THADA: variants seen among roughly 807,000 people sequenced by gnomAD.
The protein encoded by THADA is THADA armadillo repeat containing.
Under a neutral mutation model 219.8 loss-of-function variants are expected in THADA, and 213 were observed. The observed-to-expected ratio is 0.97, with a 90% confidence interval of 0.87 to 1.09. The LOEUF is 1.09. THADA is among the 50% of genes least tolerant of loss of function. The probability of loss-of-function intolerance (pLI) is 0.00; values close to 1 mark genes in which losing one functional copy is unlikely to be tolerated. For missense variants in THADA, 2,956 were observed against 2,311.3 expected (o/e 1.28, Z -5.72); for synonymous variants, 1,018 against 828.9 (o/e 1.23, Z -3.92).
intron 26 of THADA, among the ~76,000 whole-genome samples, chr2:43,433,135 T>C (rs1463159395): frequency 1.3e-5 from 2 of 152,242 alleles, no homozygotes; most frequent in African/African-American, 4.8e-5. Flanking sequence ...AATTTTTGTG[T>C]ATAGTGTGAG....
intron 29 of THADA, among the ~76,000 whole-genome samples, chr2:43,393,958 C>T (rs187120432): frequency 3.9e-5 from 6 of 152,196 alleles, no homozygotes; most frequent in African/African-American, 1.4e-4. Context: ...TTCTGAACTC[C>T]AATATGATTT....
chr2:43,399,255 A>G (rs1674482069), intron 28 of THADA, among the ~76,000 whole-genome samples: 1 of 152,256 alleles, frequency 6.6e-6, no homozygotes, highest in African/African-American at 2.4e-5. Flanking sequence ...AGGGAAGGTC[A>G]GAAGACGGTA....
chr2:43,580,329 A>G (rs746038180), intron 8 of THADA, among the ~76,000 whole-genome samples: 30 of 151,870 alleles, frequency 2.0e-4, no homozygotes, highest in East Asian at 3.9e-4. Flanking sequence ...ATGAGCCACC[A>G]CACCCGGCCG....
chr2:43,318,322 G>C (rs987083476), intron 31 of THADA, among the ~76,000 whole-genome samples: 1 of 151,890 alleles, frequency 6.6e-6, no homozygotes, highest in Non-Finnish European at 1.5e-5. Flanking sequence ...TTATGGGCTT[G>C]AGCCACCACA....
chr2:43,468,970 G>T (rs1684590969), intron 26 of THADA, among the ~76,000 whole-genome samples: 1 of 152,176 alleles, frequency 6.6e-6, no homozygotes, highest in African/African-American at 2.4e-5. Flanking sequence ...ATCTCAAGAT[G>T]CATTTTTAAA....
intron 14 of THADA, among the ~76,000 whole-genome samples, chr2:43,570,130 G>A (rs1315187179): frequency 3.3e-5 from 5 of 151,990 alleles, no homozygotes; most frequent in African/African-American, 7.3e-5. Context: ...AATTCATCTC[G>A]CCCACATAAG....
intron 25 of THADA, among the ~76,000 whole-genome samples, chr2:43,498,115 G>A (rs1333639922): frequency 6.6e-6 from 1 of 152,018 alleles, no homozygotes; most frequent in South Asian, 2.1e-4. Flanking sequence ...TATACTACAT[G>A]AAAGAAGCCA....
intron 34 of THADA, 60 bp from the exon 35 acceptor site, chr2:43,287,121 A>G: frequency 6.6e-7 from 1 of 1,517,014 alleles, no homozygotes; most frequent in Admixed American, 1.9e-5. Flanking sequence ...CTGACACAGA[A>G]TTAGGGGTGA....
intron 36 of THADA, among the ~76,000 whole-genome samples, chr2:43,257,448 C>CA (rs1180973080): frequency 6.6e-6 from 1 of 152,242 alleles, no homozygotes; most frequent in African/African-American, 2.4e-5. Flanking sequence ...GGCCCAATTC[C>CA]AAAAGGCTGG....
intron 8 of THADA, among the ~76,000 whole-genome samples, chr2:43,579,911 G>T (rs79439547): frequency 6.6e-6 from 1 of 151,968 alleles, no homozygotes; most frequent in Non-Finnish European, 1.5e-5. Flanking sequence ...GGGAAAGGAG[G>T]TTTGGTTTTC....
At chr2:43,264,526 C>T (rs927145426) in intron 36 of THADA, among the ~76,000 whole-genome samples, 5 of 152,032 alleles carry the variant, frequency 3.3e-5, no homozygotes, top group African/African-American at 7.3e-5. Context: ...CTCAGGTGAT[C>T]CGCCCACCTC....
chr2:43,325,591 T>C (rs560626754), intron 30 of THADA, among the ~76,000 whole-genome samples: 363 of 146,976 alleles, frequency 2.5e-3, no homozygotes, highest in Non-Finnish European at 4.1e-3. Context: ...AGGAGAGAGA[T>C]GGGGGCAGAA....
chr2:43,383,622 G>C (rs1169368892), intron 29 of THADA, among the ~76,000 whole-genome samples: 8 of 152,134 alleles, frequency 5.3e-5, no homozygotes. Context: ...AGTTTAACTG[G>C]GGATCTTGTG....
chr2:43,233,036 TA>T (rs1667623920), intron 36 of THADA, 154 bp from the exon 37 acceptor site: 3 of 712,282 alleles, frequency 4.2e-6, no homozygotes, highest in Non-Finnish European at 7.0e-6. Flanking sequence ...TGGAGACGAT[TA>T]ATCACCTTCT....
intron 36 of THADA, among the ~76,000 whole-genome samples, chr2:43,235,222 C>T (rs531070353): frequency 7.3e-5 from 11 of 150,838 alleles, no homozygotes; most frequent in Admixed American, 5.3e-4. Flanking sequence ...TCAAGTGATT[C>T]ACCCGCCTCA....
intron 22 of THADA, among the ~76,000 whole-genome samples, chr2:43,511,844 G>T (rs978131993): frequency 2.0e-5 from 3 of 152,170 alleles, no homozygotes; most frequent in Admixed American, 1.3e-4. Flanking sequence ...TCATGGAAGG[G>T]CTGGAATCTG....
At chr2:43,348,435 A>C (rs1386818589) in intron 29 of THADA, among the ~76,000 whole-genome samples, 1 of 152,238 alleles carries the variant, frequency 6.6e-6, no homozygotes, top group Non-Finnish European at 1.5e-5. Flanking sequence ...TAAAATACTT[A>C]CTGAACCCAA....
At chr2:43,514,041 C>T (rs1690839720) in intron 22 of THADA, among the ~76,000 whole-genome samples, 1 of 147,280 alleles carries the variant, frequency 6.8e-6, no homozygotes, top group Admixed American at 6.9e-5. Flanking sequence ...GTGTGGATGA[C>T]ACAGTGAGAC....
At chr2:43,561,668 T>G (rs931901426) in intron 15 of THADA, among the ~76,000 whole-genome samples, 7 of 152,252 alleles carry the variant, frequency 4.6e-5, no homozygotes, top group African/African-American at 1.7e-4. Flanking sequence ...AGCCGACACC[T>G]GAGGTTTTTG....
Sources: gnomAD v4.1 joint callset for allele counts (sites outside exome capture counted in the v4.1 genomes callset) on GRCh38, gnomAD v4.1.1 for gene constraint, MANE v1.5 for transcripts, NCBI Gene and HGNC (gene_info 2026-07-23, HGNC 2026-07-21) for gene names.